The following EZH2 variants were observed in gnomAD, a reference collection of about 807,000 sequenced individuals.
EZH2 encodes enhancer of zeste 2 polycomb repressive complex 2 subunit.
A neutral mutation model predicts 98.4 loss-of-function variants in EZH2; 18 were observed. The ratio of observed to expected loss-of-function variants is 0.18; its 90% CI spans 0.13 to 0.27. EZH2 has a LOEUF of 0.27. Among genes scored for constraint, EZH2 ranks in the 10% least tolerant of loss-of-function variants. The probability of loss-of-function intolerance (pLI) is 1.00; values close to 1 mark genes in which losing one functional copy is unlikely to be tolerated. For missense variants in EZH2, 470 were observed against 935.1 expected (o/e 0.50, Z 6.49); for synonymous variants, 338 against 312.3 (o/e 1.08, Z -0.87).
rs775407864 is a variant in EZH2, at chr7:148,846,567, A to G, written c.149T>C (p.Leu50Ser). Reference sequence around the variant, plus strand: ...TTGGTTTAAGATTTCCGTTCTTTCCAAAATTTTCTGACGATTGGAACTAAA... The same window carrying G: ...TTGGTTTAAGATTTCCGTTCTTTCCGAAATTTTCTGACGATTGGAACTAAA... The part of the protein sequence containing the change: ...SMFSSNRQKI[L>S]ERTEILNQEW... Residue 50 changes from leucine (L) to serine (S), a missense_variant, in exon 3 of 20, where the codon TTG (leucine) becomes TCG (serine). Coordinates refer to ENST00000320356, the MANE Select transcript of EZH2 (RefSeq NM_004456.5). 7.5e-5 allele frequency: 121 copies of G among 1,612,242 alleles called. No homozygotes were observed. The highest frequency in any genetic ancestry group is 1.0e-4 in the Admixed American group (6 of 59,708).
intron 6 of EZH2, among the ~76,000 whole-genome samples, 183 bp downstream of exon 6, chr7:148,828,557 A>G (rs1808413931): frequency 6.6e-6 from 1 of 152,174 alleles, no homozygotes; most frequent in South Asian, 2.1e-4. Context: ...CCCAAGTGCT[A>G]GGATTACAGA....
rs1807291485 is a variant in EZH2 at position 148,825,014 on chromosome 7, G to GC, written c.907+1439_907+1440insG. ...CTCTGAATGGCACAATAAAAAACTTGTAATGTTTAAAAGTAGTGTCCTACT... is the reference window on the plus strand; with the variant it reads ...CTCTGAATGGCACAATAAAAAACTTGCTAATGTTTAAAAGTAGTGTCCTACT... On this transcript the variant is annotated intron_variant, in intron 8 of 19. Coordinates refer to ENST00000320356, the MANE Select transcript of EZH2 (RefSeq NM_004456.5). Among the ~76,000 whole-genome samples, 25 of 152,138 alleles carry GC rather than the reference G, an allele frequency of 1.6e-4. No homozygotes were observed. The South Asian group carries it at 4.4e-3, about 27-fold the overall frequency.
chr7:148,842,117 C>CG (rs1812606061), intron 3 of EZH2, among the ~76,000 whole-genome samples: 1 of 152,128 alleles, frequency 6.6e-6, no homozygotes, highest in African/African-American at 2.4e-5. Flanking sequence ...ATACAAAACT[C>CG]TTACAAGAAC....
chr7:148,848,788 TAGAC>T (rs1814883729), intron 1 of EZH2, among the ~76,000 whole-genome samples: 1 of 152,180 alleles, frequency 6.6e-6, no homozygotes, highest in Non-Finnish European at 1.5e-5. Flanking sequence ...TAGTATGAGA[TAGAC>T]AGACATACTT....
chr7:148,861,726 T>C (rs1585238891), intron 1 of EZH2, among the ~76,000 whole-genome samples: 1 of 151,872 alleles, frequency 6.6e-6, no homozygotes, highest in East Asian at 1.9e-4. Context: ...ATCCTAGCAC[T>C]TTGCGGGGCT....
At chr7:148,873,701 TTAAA>T (rs1411077887) in intron 1 of EZH2, among the ~76,000 whole-genome samples, 5 of 151,848 alleles carry the variant, frequency 3.3e-5, no homozygotes, top group Admixed American at 6.6e-5. Context: ...AGGATGGTAC[TTAAA>T]TAATTATTTA....
intron 5 of EZH2, 24 bp from the exon 6 acceptor site, chr7:148,828,904 A>G (rs1218676847): frequency 5.7e-6 from 9 of 1,584,698 alleles, no homozygotes; most frequent in East Asian, 4.6e-5. Context: ...AATGTCAGAA[A>G]CACACAGGAG....
intron 1 of EZH2, among the ~76,000 whole-genome samples, chr7:148,872,328 T>TG (rs1208321540): frequency 4.6e-5 from 7 of 152,030 alleles, no homozygotes; most frequent in Admixed American, 4.6e-4. Context: ...GCCAAGAATT[T>TG]GGGGGGAGGG....
At chr7:148,810,435 G>A in intron 16 of EZH2, 21 bp from the exon 17 acceptor site, 3 of 1,568,206 alleles carry the variant, frequency 1.9e-6, no homozygotes, top group East Asian at 4.5e-5. Flanking sequence ...AGACACAGGA[G>A]AAAATTCTTT....
At chr7:148,819,709 G>T (rs536551972) in intron 8 of EZH2, 22 bp from the exon 9 acceptor site, 16 of 1,595,480 alleles carry the variant, frequency 1.0e-5, no homozygotes, top group Non-Finnish European at 1.3e-5. Flanking sequence ...ATGAAACAAA[G>T]AATCTAATAT....
intron 15 of EZH2, among the ~76,000 whole-genome samples, chr7:148,812,516 T>C (rs1005358144): frequency 3.3e-5 from 5 of 152,210 alleles, no homozygotes; most frequent in African/African-American, 1.2e-4. Context: ...ACTTCCCAAA[T>C]AGCCTTCTGA....
intron 3 of EZH2, 81 bp from the exon 4 acceptor site, chr7:148,832,831 TGCC>T (rs1809767355): frequency 1.7e-5 from 13 of 768,124 alleles, no homozygotes; most frequent in Non-Finnish European, 2.1e-5. Flanking sequence ...AAAGAGATGC[TGCC>T]TACCCAAATA....
chr7:148,828,511 A>C (rs1437954511), intron 6 of EZH2, among the ~76,000 whole-genome samples: 1 of 151,936 alleles, frequency 6.6e-6, no homozygotes, highest in Non-Finnish European at 1.5e-5. Context: ...GTTGGTCTTG[A>C]ACTCCTGGGC....
intron 1 of EZH2, among the ~76,000 whole-genome samples, chr7:148,848,762 G>C (rs760815097): frequency 6.6e-6 from 1 of 152,152 alleles, no homozygotes; most frequent in African/African-American, 2.4e-5. Context: ...GTCTACCTAA[G>C]ACAAAGGGAA....
chr7:148,817,839 C>T (rs1329190369), intron 10 of EZH2, 38 bp downstream of exon 10: 2 of 1,613,744 alleles, frequency 1.2e-6, no homozygotes, highest in Non-Finnish European at 8.5e-7. Flanking sequence ...CACGAACTTT[C>T]ACAGAACAGT....
At chr7:148,821,920 G>A (rs1255670244) in intron 8 of EZH2, among the ~76,000 whole-genome samples, 6 of 152,198 alleles carry the variant, frequency 3.9e-5, no homozygotes, top group East Asian at 1.9e-4. Context: ...TCTGAATACC[G>A]CCTCATGAAT....
At chr7:148,852,839 T>C (rs1242212976) in intron 1 of EZH2, among the ~76,000 whole-genome samples, 2 of 152,162 alleles carry the variant, frequency 1.3e-5, no homozygotes, top group Admixed American at 6.5e-5. Context: ...CAGATACGTA[T>C]TTATTACTGA....
chr7:148,846,868 G>A (rs951209961), intron 2 of EZH2, among the ~76,000 whole-genome samples: 1 of 144,480 alleles, frequency 6.9e-6, no homozygotes, highest in African/African-American at 2.8e-5. Context: ...GTGTGTGTGT[G>A]TGTGTGTGTG....
chr7:148,857,320 C>T (rs1816975482), intron 1 of EZH2, among the ~76,000 whole-genome samples: 1 of 152,186 alleles, frequency 6.6e-6, no homozygotes, highest in African/African-American at 2.4e-5. Context: ...TGAAACCAAC[C>T]AACCAACCAA....
Sources: allele counts gnomAD v4.1 joint callset (sites outside exome capture counted in the v4.1 genomes callset), GRCh38; gene constraint gnomAD v4.1.1; transcripts MANE v1.5; gene names NCBI Gene and HGNC (gene_info 2026-07-23, HGNC 2026-07-21).